The following RBFOX1 variants were observed in gnomAD, a reference collection of about 807,000 sequenced individuals.
RBFOX1 encodes the protein RNA binding protein fox-1 homolog 1.
A neutral mutation model predicts 57.7 loss-of-function variants in RBFOX1; 8 were observed. That is an observed-to-expected ratio of 0.14 (90% CI 0.08 to 0.25). The LOEUF is 0.25. RBFOX1 is among the 10% of genes least tolerant of loss of function. The probability of loss-of-function intolerance (pLI) is 1.00; values close to 1 mark genes in which losing one functional copy is unlikely to be tolerated. For synonymous variants in RBFOX1, 326 were observed against 222.4 expected (o/e 1.47, Z -4.15); for missense variants, 611 against 548.5 (o/e 1.11, Z -1.14).
intron 3 of RBFOX1, among the ~76,000 whole-genome samples, chr16:6,659,216 C>T (rs2098685505): frequency 7.5e-6 from 1 of 133,724 alleles, no homozygotes; most frequent in Admixed American, 8.3e-5. Context: ...GGGGGAGAAT[C>T]TGTCAAGAGG....
chr16:6,423,179 C>T (rs573996152), intron 2 of RBFOX1, among the ~76,000 whole-genome samples: 1 of 152,328 alleles, frequency 6.6e-6, no homozygotes, highest in Non-Finnish European at 1.5e-5. Context: ...TCTGTCAACA[C>T]CCAACTTTCT....
intron 3 of RBFOX1, among the ~76,000 whole-genome samples, chr16:6,866,799 C>T (rs758165308): frequency 2.6e-5 from 4 of 151,842 alleles, no homozygotes; most frequent in Non-Finnish European, 5.9e-5. Context: ...GCCTTGGCCT[C>T]CCAAACTGCT....
chr16:7,199,029 G>A (rs2087558264), intron 4 of RBFOX1, among the ~76,000 whole-genome samples: 1 of 152,168 alleles, frequency 6.6e-6, no homozygotes, highest in African/African-American at 2.4e-5. Context: ...CCAGGACTGA[G>A]TTTCAGTTCC....
At chr16:5,702,687 A>T (rs2051095347) in intron 3 of RBFOX1, among the ~76,000 whole-genome samples, 1 of 152,206 alleles carries the variant, frequency 6.6e-6, no homozygotes, top group African/African-American at 2.4e-5. Flanking sequence ...GTATCAATTG[A>T]CCCATCTGTA....
intron 3 of RBFOX1, among the ~76,000 whole-genome samples, chr16:6,881,485 C>T (rs1226327083): frequency 1.3e-5 from 2 of 152,092 alleles, no homozygotes; most frequent in African/African-American, 4.8e-5. Context: ...TGTAGAGGGT[C>T]AGCTACATAG....
At position 6,898,905 on chromosome 16, in the gene RBFOX1, G is replaced by C. The variant is rs529681074; in HGVS notation, c.-15-153152G>C. ...TATAATACGTGTGTGCATCTCGTAT[G>C]TGTTTGTGCATATGTGTATATGTGT... On this transcript the variant is annotated intron_variant, in intron 3 of 15. Transcript: ENST00000550418. 3.1e-5 allele frequency among the ~76,000 whole-genome samples: 4 copies of C among 127,904 alleles called. No individual in the cohort carries two copies. In the South Asian group the frequency reaches 6.5e-4, roughly 21 times the overall value. 83.9% of individuals were successfully genotyped at this position (127,904 alleles called of 152,430 possible). A position where few individuals can be genotyped will look rare whatever the true frequency, so the allele number is the denominator to read the frequency against.
At chr16:5,894,487 C>G (rs570423634) in intron 4 of RBFOX1, among the ~76,000 whole-genome samples, 1 of 151,978 alleles carries the variant, frequency 6.6e-6, no homozygotes, top group East Asian at 2.0e-4. Flanking sequence ...GTTGGCCTGG[C>G]TGGTCTTGAA....
chr16:6,585,828 G>C (rs189993068), intron 2 of RBFOX1, among the ~76,000 whole-genome samples: 2 of 152,196 alleles, frequency 1.3e-5, no homozygotes, highest in East Asian at 1.9e-4. Flanking sequence ...GTAGGGGTCT[G>C]TGCATTAAAA....
rs1027079814 is a variant in RBFOX1, at chr16:7,389,432, A to C, written c.28-128715A>C. Among the ~76,000 whole-genome samples, 11 of 152,264 alleles carry C rather than the reference A, an allele frequency of 7.2e-5. No individual in the cohort carries two copies. In the South Asian group the frequency reaches 2.3e-3, roughly 32 times the overall value. On this transcript the variant is annotated intron_variant, in intron 4 of 15. Coordinates refer to ENST00000550418, the MANE Select transcript of RBFOX1 (RefSeq NM_018723.4). ...TGAGCCACAGTGCCCAGCCAGATGT[A>C]ACTATTTAATGAAATGTTGATTGGG...
intron 4 of RBFOX1, among the ~76,000 whole-genome samples, chr16:7,166,638 G>GAGC (rs1365814655): frequency 6.6e-6 from 1 of 152,122 alleles, no homozygotes; most frequent in Non-Finnish European, 1.5e-5. Flanking sequence ...CGACACCCCT[G>GAGC]AGCAGTCTGG....
At chr16:7,468,457 GTT>G (rs370402076) in intron 4 of RBFOX1, among the ~76,000 whole-genome samples, 3 of 133,428 alleles carry the variant, frequency 2.2e-5, no homozygotes, top group Non-Finnish European at 3.2e-5. Flanking sequence ...CTCGGAGGGT[GTT>G]TTTTTTTTTT....
chr16:5,702,635 C>T (rs4786060), intron 3 of RBFOX1, among the ~76,000 whole-genome samples: 31,207 of 152,086 alleles, frequency 0.21, 4,486 homozygotes, highest in East Asian at 0.64. Context: ...TCTGTTTTAA[C>T]AATAAGCTTC....
intron 4 of RBFOX1, among the ~76,000 whole-genome samples, chr16:7,147,779 T>C (rs951856036): frequency 6.6e-6 from 1 of 152,192 alleles, no homozygotes; most frequent in Admixed American, 6.5e-5. Flanking sequence ...GCAGTGAACA[T>C]GTGAGTGCGT....
At chr16:7,420,593 TC>T (rs756740693) in intron 4 of RBFOX1, among the ~76,000 whole-genome samples, 10 of 152,086 alleles carry the variant, frequency 6.6e-5, no homozygotes, top group Non-Finnish European at 1.3e-4. Flanking sequence ...TCTTTTTTTT[TC>T]TTTCCCTTTC....
chr16:6,560,268 T>C (rs1479111684), intron 2 of RBFOX1, among the ~76,000 whole-genome samples: 1 of 149,622 alleles, frequency 6.7e-6, no homozygotes, highest in African/African-American at 2.5e-5. Flanking sequence ...CCTGAGCAAA[T>C]TGTGTTAGAA....
intron 14 of RBFOX1, among the ~76,000 whole-genome samples, chr16:7,704,919 C>T (rs540074505): frequency 5.3e-5 from 8 of 151,978 alleles, no homozygotes; most frequent in South Asian, 2.1e-4. Flanking sequence ...TGGTGATGGG[C>T]GCCTGTAATC....
chr16:6,954,088 G>T (rs1266776622), intron 3 of RBFOX1, among the ~76,000 whole-genome samples: 2 of 152,162 alleles, frequency 1.3e-5, no homozygotes, highest in Non-Finnish European at 2.9e-5. Context: ...GTAATAAAGT[G>T]TAACAGACAA....
intron 1 of RBFOX1, among the ~76,000 whole-genome samples, chr16:6,035,863 CTTAT>C (rs2095358791): frequency 6.6e-6 from 1 of 152,144 alleles, no homozygotes; most frequent in Non-Finnish European, 1.5e-5. Flanking sequence ...GAGGTATTAG[CTTAT>C]TTTTCAGTTA....
chr16:7,483,676 A>G (rs980121265), intron 4 of RBFOX1, among the ~76,000 whole-genome samples: 1 of 152,276 alleles, frequency 6.6e-6, no homozygotes. Context: ...AAATATTGGT[A>G]TTTTAAAGGT....
Sources: allele counts gnomAD v4.1 joint callset (sites outside exome capture counted in the v4.1 genomes callset), GRCh38; gene constraint gnomAD v4.1.1; transcripts MANE v1.5; gene names NCBI Gene and HGNC (gene_info 2026-07-23, HGNC 2026-07-21).